INSR: variants seen among roughly 807,000 people sequenced by gnomAD.
INSR encodes the protein IR.
A neutral mutation model predicts 142.6 loss-of-function variants in INSR; 67 were observed. The ratio of observed to expected loss-of-function variants is 0.47; its 90% CI spans 0.39 to 0.58. The LOEUF (loss-of-function observed/expected upper bound fraction) is 0.58, where lower values mean the gene tolerates loss of function less well. Ranked by LOEUF, INSR falls within the 20% of genes least tolerant of loss-of-function variation. INSR has a pLI of 0.00. For missense variants in INSR, 1,248 were observed against 1,833.2 expected, an observed-to-expected ratio of 0.68 and a Z score of 5.83; for synonymous variants, 756 against 743.1, an observed-to-expected ratio of 1.02 and a Z score of -0.28.
chr19:7,184,387 G>A lies in INSR; in HGVS notation c.903C>T (p.Cys301=). 7.4e-6 allele frequency: 12 copies of A among 1,614,086 alleles called. No homozygotes were observed. Among genetic ancestry groups the A allele is most frequent in the Non-Finnish European group, 1.0e-5 (12 of 1,180,032 alleles). The change falls in exon 3 of 22, where the codon TGC becomes TGT. Residue 301 remains cysteine, a synonymous_variant. Transcript: ENST00000302850. ...HKCKNSRRQG[C]HQYVIHNNKC... ...TGTTGTTGTGAATGACGTACTGGTG[G>A]CAGCCCTGCCTCCGCGAGTTCTTGC... is the stretch of plus-strand genomic sequence containing the variant.
At chr19:7,155,475 T>A (rs1277144806) in intron 9 of INSR, among the ~76,000 whole-genome samples, 2 of 147,852 alleles carry the variant, frequency 1.4e-5, no homozygotes, top group Admixed American at 1.4e-4. Context: ...AAGGCGGAGG[T>A]TGCATTGAGC....
intron 2 of INSR, among the ~76,000 whole-genome samples, chr19:7,200,979 C>T (rs4499341): frequency 0.56 from 85,402 of 151,768 alleles, 25,130 homozygotes; most frequent in Non-Finnish European, 0.63. Flanking sequence ...CTACTCATGG[C>T]AAGGTGCAAA....
rs1972437922 is a variant in INSR at position 7,119,778 on chromosome 19, G to GAA, written c.3660-196_3660-195insTT. Among the ~76,000 whole-genome samples the GAA allele has an allele frequency of 2.7e-5, 3 of 112,234 alleles. No homozygotes were observed. Among genetic ancestry groups the GAA allele is most frequent in the East Asian group, 3.1e-4 (1 of 3,180 alleles). 73.6% of individuals were successfully genotyped at this position (112,234 alleles called of 152,430 possible). A position where few individuals can be genotyped will look rare whatever the true frequency, so the allele number is the denominator to read the frequency against. On this transcript the variant is annotated intron_variant, in intron 20 of 21. Transcript: ENST00000302850. The surrounding 1 kb of genome is among the most constrained non-coding windows in gnomAD (Gnocchi z 5.2). Reference sequence around the variant, plus strand: ...TGCAAATACACACAAACACGCATGCGCACACATGCACACACAAATATGCAA... The same window carrying GAA: ...TGCAAATACACACAAACACGCATGCGAACACACATGCACACACAAATATGCAA...
intron 1 of INSR, among the ~76,000 whole-genome samples, chr19:7,289,011 G>T (rs1968419213): frequency 6.6e-6 from 1 of 151,440 alleles, no homozygotes; most frequent in South Asian, 2.1e-4. Flanking sequence ...GACCCTCTGG[G>T]AAGAGAGAGC....
At chr19:7,243,270 C>G (rs1976425390) in intron 2 of INSR, among the ~76,000 whole-genome samples, 1 of 95,202 alleles carries the variant, frequency 1.1e-5, no homozygotes, top group Non-Finnish European at 1.9e-5. Context: ...TTTTGAGATG[C>G]AGTCTAGCTC....
At chr19:7,218,122 C>A (rs1975492272) in intron 2 of INSR, among the ~76,000 whole-genome samples, 1 of 151,998 alleles carries the variant, frequency 6.6e-6, no homozygotes, top group South Asian at 2.1e-4. Context: ...CACGTTCCAC[C>A]TCCATAGGAA....
chr19:7,128,486 T>C (rs1192953911), intron 15 of INSR, among the ~76,000 whole-genome samples: 1 of 152,170 alleles, frequency 6.6e-6, no homozygotes, highest in Non-Finnish European at 1.5e-5. Context: ...AGTGCTAGCA[T>C]TACAGGTGTG....
At chr19:7,243,698 A>T (rs192651116) in intron 2 of INSR, among the ~76,000 whole-genome samples, 2 of 152,318 alleles carry the variant, frequency 1.3e-5, no homozygotes, top group East Asian at 3.9e-4. Flanking sequence ...GCAAAATAAA[A>T]CCAACCAAAA....
chr19:7,260,987 A>G (rs1324373048), intron 2 of INSR, among the ~76,000 whole-genome samples: 9 of 151,304 alleles, frequency 5.9e-5, no homozygotes, highest in Non-Finnish European at 1.0e-4. Context: ...CCCGGGGCCC[A>G]TGCGATCCTC....
intron 7 of INSR, among the ~76,000 whole-genome samples, chr19:7,167,266 G>A (rs999693703): frequency 6.6e-6 from 1 of 152,118 alleles, no homozygotes; most frequent in African/African-American, 2.4e-5. Flanking sequence ...TAAATCTTGA[G>A]GGCTAGAACT....
At chr19:7,270,883 A>G (rs1967906038) in intron 1 of INSR, among the ~76,000 whole-genome samples, 1 of 151,796 alleles carries the variant, frequency 6.6e-6, no homozygotes, top group Non-Finnish European at 1.5e-5. Context: ...ACACGGTGAA[A>G]CTCCGTCTCT....
intron 1 of INSR, among the ~76,000 whole-genome samples, chr19:7,272,571 T>G (rs1967955452): frequency 6.6e-6 from 1 of 152,068 alleles, no homozygotes; most frequent in African/African-American, 2.4e-5. Context: ...TGAGCTGAGA[T>G]CGTGCCTTTG....
At chr19:7,182,188 T>C (rs929045304) in intron 3 of INSR, among the ~76,000 whole-genome samples, 3 of 151,920 alleles carry the variant, frequency 2.0e-5, no homozygotes, top group African/African-American at 4.8e-5. Flanking sequence ...AAGAAAAATT[T>C]AGCTGGGTAT....
intron 2 of INSR, among the ~76,000 whole-genome samples, chr19:7,236,795 G>C (rs1976170305): frequency 6.6e-6 from 1 of 152,116 alleles, no homozygotes; most frequent in African/African-American, 2.4e-5. Flanking sequence ...GGGAGGCCGA[G>C]GCGGGCGGAT....
chr19:7,198,445 G>T (rs1303005699), intron 2 of INSR, among the ~76,000 whole-genome samples: 1 of 152,156 alleles, frequency 6.6e-6, no homozygotes, highest in Non-Finnish European at 1.5e-5. Context: ...AACCGAGCTT[G>T]CAAGGGCTCA....
chr19:7,160,377 C>T (rs1380616061), intron 9 of INSR, among the ~76,000 whole-genome samples: 2 of 151,832 alleles, frequency 1.3e-5, no homozygotes. Context: ...AAACTCCTGA[C>T]CCCTGGTGAT....
In INSR at chr19:7,225,707, C is replaced by CCCCAAAAAAAGAGCAGAGAATAAT. The variant is rs1555683193; in HGVS notation, c.653-41071_653-41070insATTATTCTCTGCTCTTTTTTTGGG. Among the ~76,000 whole-genome samples, 1 of 150,200 alleles carries CCCCAAAAAAAGAGCAGAGAATAAT rather than the reference C, an allele frequency of 6.7e-6. No homozygotes were observed. The highest frequency in any genetic ancestry group is 1.5e-5 in the Non-Finnish European group (1 of 67,846). ...GGCTCTTGGTTTCCATTTCCCCCCC[C>CCCCAAAAAAAGAGCAGAGAATAAT]TCAAAAAAAGAGCAGAGAATAATTG... On this transcript the variant is annotated intron_variant, in intron 2 of 21. Transcript: ENST00000302850. This position sits in a 1 kb window ranked among gnomAD's most constrained non-coding sequence, Gnocchi z 4.7.
In INSR at chr19:7,239,533, G is replaced by A. The variant is rs866271450; in HGVS notation, c.652+27812C>T. Among the ~76,000 whole-genome samples the A allele has an allele frequency of 1.2e-4, 19 of 152,096 alleles. 2 individuals are homozygous for A. Among genetic ancestry groups the A allele is most frequent in the East Asian group, 9.6e-4 (5 of 5,188 alleles). On this transcript the variant is annotated intron_variant, in intron 2 of 21. Transcript: ENST00000302850. ...GTCACAGCCACCTTGGAGACCATTCGGGGAGTATATACTAGATCTAAAAAT... is the reference window on the plus strand; with the variant it reads ...GTCACAGCCACCTTGGAGACCATTCAGGGAGTATATACTAGATCTAAAAAT...
chr19:7,138,211 G>A (rs1332704960), intron 13 of INSR, among the ~76,000 whole-genome samples: 5 of 151,672 alleles, frequency 3.3e-5, no homozygotes, highest in African/African-American at 9.7e-5. Context: ...TGATCCACCC[G>A]CCTCAGCCTC....
Sources: allele counts gnomAD v4.1 joint callset (sites outside exome capture counted in the v4.1 genomes callset), GRCh38; gene constraint gnomAD v4.1.1; non-coding constraint Gnocchi (gnomAD v3.1); transcripts MANE v1.5; gene names NCBI Gene and HGNC (gene_info 2026-07-23, HGNC 2026-07-21).